PCDHGB6: variants seen among roughly 807,000 people sequenced by gnomAD.
PCDHGB6 encodes the protein protocadherin gamma subfamily B, 6.
In PCDHGB6, 51 loss-of-function variants were observed where a neutral mutation model predicts 59.1. The ratio of observed to expected loss-of-function variants is 0.86; its 90% confidence interval spans 0.69 to 1.09. The LOEUF is 1.09. Among genes scored for constraint, PCDHGB6 ranks in the 50% least tolerant of loss-of-function variants. The pLI, the probability that PCDHGB6 is intolerant of heterozygous loss-of-function variation, is 0.00. For synonymous variants in PCDHGB6, 466 were observed against 495.1 expected, an observed-to-expected ratio of 0.94 and a Z score of 0.78; for missense variants, 1,148 against 1,205.1, an observed-to-expected ratio of 0.95 and a Z score of 0.70.
intron 1 of PCDHGB6, among the ~76,000 whole-genome samples, chr5:141,475,035 G>T (rs983190948): frequency 2.0e-5 from 3 of 152,132 alleles, no homozygotes. Context: ...GTGACTAAAG[G>T]CTTTGTATTT....
intron 1 of PCDHGB6, chr5:141,423,751 G>GGC: frequency 2.9e-6 from 1 of 349,040 alleles, no homozygotes; most frequent in African/African-American, 6.5e-5. Context: ...AAAACTGTTT[G>GGC]GGGGGGGGGT....
intron 1 of PCDHGB6, chr5:141,441,502 T>G (rs2098250414): frequency 5.8e-6 from 1 of 173,754 alleles, no homozygotes; most frequent in African/African-American, 2.4e-5. Context: ...CTACCAGGCC[T>G]CCTACGTCGT....
At position 141,476,639 on chromosome 5, in the gene PCDHGB6, A is replaced by G; in HGVS notation, c.2419-18168A>G. 1.2e-6 allele frequency: 2 copies of G among 1,614,206 alleles called. No individual in the cohort carries two copies. Among genetic ancestry groups the G allele is most frequent in the Non-Finnish European group, 1.7e-6 (2 of 1,180,038 alleles). On this transcript the variant is annotated intron_variant, in intron 1 of 3. Transcript: ENST00000520790. The surrounding 1 kb of genome is among the most constrained non-coding windows in gnomAD (Gnocchi z 7.6). ...CAACTCTTTACAAACCTATGAGCTG[A>G]GCCGAAATGAATACTTTGCGCTTCG...
In PCDHGB6 at chr5:141,490,072, G is replaced by A; in HGVS notation, c.2419-4735G>A. On this transcript the variant is annotated intron_variant, in intron 1 of 3. Transcript: ENST00000520790. This position sits in a 1 kb window ranked among gnomAD's most constrained non-coding sequence, Gnocchi z 5.4. ...AGACGAGGGCACCAACGGCCAACTA[G>A]ACTATTCTTTTGGAGACCACACATC... is the stretch of plus-strand genomic sequence containing the variant. The A allele has an allele frequency of 6.2e-7, 1 of 1,614,254 alleles. No homozygotes were observed. The highest frequency in any genetic ancestry group is 8.5e-7 in the Non-Finnish European group (1 of 1,180,042).
chr5:141,415,514 C>G, intron 1 of PCDHGB6: 2 of 1,614,178 alleles, frequency 1.2e-6, no homozygotes, highest in Non-Finnish European at 8.5e-7. Flanking sequence ...CCCAATTATG[C>G]GGACACGCTC....
intron 1 of PCDHGB6, chr5:141,410,836 ATT>A (rs371761731): frequency 1.6e-5 from 4 of 254,870 alleles, no homozygotes; most frequent in African/African-American, 1.4e-4. Flanking sequence ...GACTGAAGAT[ATT>A]TTGTCTTTGT....
At chr5:141,492,834 G>T (rs544218873) in intron 1 of PCDHGB6, among the ~76,000 whole-genome samples, 36 of 152,332 alleles carry the variant, frequency 2.4e-4, no homozygotes, top group Non-Finnish European at 4.1e-4. Flanking sequence ...CCTTCCTCCC[G>T]CAGGAAGTGA....
intron 1 of PCDHGB6, chr5:141,426,194 T>C (rs1482565872): frequency 6.4e-6 from 1 of 155,380 alleles, no homozygotes; most frequent in Non-Finnish European, 1.4e-5. Context: ...ACTGGGAGCA[T>C]TGAGTTTTCT....
intron 1 of PCDHGB6, among the ~76,000 whole-genome samples, chr5:141,458,436 C>T (rs2098945707): frequency 6.6e-6 from 1 of 152,056 alleles, no homozygotes; most frequent in Non-Finnish European, 1.5e-5. Context: ...AAGAGGAGGT[C>T]CCCCACATTA....
At position 141,511,076 on chromosome 5, in the gene PCDHGB6, A is replaced by G. The variant is rs201009079; in HGVS notation, c.2696A>G (p.Asn899Ser). 19 of 1,614,218 alleles carry G rather than the reference A, an allele frequency of 1.2e-5. No individual in the cohort carries two copies. In the East Asian group the frequency reaches 3.6e-4, roughly 30 times the overall value. ...CAGAATGTCTACATCCCAGGCAGCA[A>G]TGCCACACTGACCAACGCAGCTGGC... ...YRQNVYIPGS[N>S]ATLTNAAGKR... Residue 899 changes from asparagine (N) to serine (S), a missense_variant, in exon 4 of 4, where the codon AAT (asparagine) becomes AGT (serine). Coordinates refer to ENST00000520790, the MANE Select transcript of PCDHGB6 (RefSeq NM_018926.3).
At chr5:141,453,145 G>A (rs1329081754) in intron 1 of PCDHGB6, among the ~76,000 whole-genome samples, 3 of 151,752 alleles carry the variant, frequency 2.0e-5, no homozygotes, top group Admixed American at 6.6e-5. Context: ...ATAGGGTCTC[G>A]CTATGTCACC....
intron 1 of PCDHGB6, chr5:141,420,003 T>C: frequency 6.2e-7 from 1 of 1,614,100 alleles, no homozygotes; most frequent in Non-Finnish European, 8.5e-7. Flanking sequence ...GCTCTACGCC[T>C]GCGACAGTCT....
At chr5:141,507,349 A>G (rs537480798) in intron 3 of PCDHGB6, 1 of 152,236 alleles carries the variant, frequency 6.6e-6, no homozygotes, top group African/African-American at 2.4e-5. Flanking sequence ...CTGAAATTCA[A>G]ATTTAACTGG....
chr5:141,442,149 T>C, intron 1 of PCDHGB6: 1 of 159,274 alleles, frequency 6.3e-6, no homozygotes, highest in Non-Finnish European at 1.4e-5. Flanking sequence ...CTGCCAGACC[T>C]CAGCGATCAC....
chr5:141,436,817 TA>T (rs1431750380), intron 1 of PCDHGB6, among the ~76,000 whole-genome samples: 1 of 152,244 alleles, frequency 6.6e-6, no homozygotes, highest in Non-Finnish European at 1.5e-5. Context: ...ACAGCTGGTT[TA>T]AAAATCTTAA....
At chr5:141,430,906 C>A (rs764039566) in intron 1 of PCDHGB6, 2 of 1,606,932 alleles carry the variant, frequency 1.2e-6, no homozygotes, top group Non-Finnish European at 1.7e-6. Flanking sequence ...GCGACATCTC[C>A]AGGGACCTGG....
At position 141,431,438 on chromosome 5, in the gene PCDHGB6, C is replaced by G. The variant is rs773812765; in HGVS notation, c.2418+20818C>G. The G allele has an allele frequency of 3.9e-5, 63 of 1,613,612 alleles. No homozygotes were observed. In the East Asian group the frequency reaches 1.4e-3, roughly 35 times the overall value. ...CGACCCGGTGCGCACAGGCACCGCG[C>G]GCATCCGCGTGATGGTTCTGGATGC... is the stretch of plus-strand genomic sequence containing the variant. On this transcript the variant is annotated intron_variant, in intron 1 of 3. Coordinates refer to ENST00000520790, the MANE Select transcript of PCDHGB6 (RefSeq NM_018926.3). The surrounding 1 kb of genome is among the most constrained non-coding windows in gnomAD (Gnocchi z 4.8).
At chr5:141,440,779 GC>G (rs2154559027) in intron 1 of PCDHGB6, 1 of 152,294 alleles carries the variant, frequency 6.6e-6, no homozygotes, top group Admixed American at 6.5e-5. Flanking sequence ...AGTGCTAGCA[GC>G]CTTAGACGGC....
intron 1 of PCDHGB6, among the ~76,000 whole-genome samples, chr5:141,436,469 G>A (rs376024456): frequency 6.6e-6 from 1 of 152,304 alleles, no homozygotes; most frequent in East Asian, 1.9e-4. Flanking sequence ...ATTTTCAGAT[G>A]TATCATAGAA....
Sources: allele counts gnomAD v4.1 joint callset (sites outside exome capture counted in the v4.1 genomes callset), GRCh38; gene constraint gnomAD v4.1.1; non-coding constraint Gnocchi (gnomAD v3.1); transcripts MANE v1.5; gene names NCBI Gene and HGNC (gene_info 2026-07-23, HGNC 2026-07-21).